The following AFF1 variants were observed in gnomAD, a reference collection of about 807,000 sequenced individuals.
The protein encoded by AFF1 is ALF transcription elongation factor 1.
Under a neutral mutation model 121.7 loss-of-function variants are expected in AFF1, and 48 were observed. The observed-to-expected ratio is 0.39, with a 90% CI of 0.31 to 0.50. AFF1 has a LOEUF of 0.50. Ranked by LOEUF, AFF1 falls within the 20% of genes least tolerant of loss-of-function variation. The pLI is 0.76. For synonymous variants in AFF1, 613 were observed against 563.0 expected (o/e 1.09, Z -1.26); for missense variants, 1,523 against 1,511.7 (o/e 1.01, Z -0.12).
At chr4:86,999,430 A>G (rs188657674) in intron 2 of AFF1, among the ~76,000 whole-genome samples, 4 of 152,190 alleles carry the variant, frequency 2.6e-5, no homozygotes, top group Non-Finnish European at 5.9e-5. Context: ...AGTCTCATTG[A>G]TAGATATCTC....
chr4:87,091,655 C>A, intron 6 of AFF1, 138 bp from the exon 7 acceptor site: 1 of 619,292 alleles, frequency 1.6e-6, no homozygotes, highest in Non-Finnish European at 2.8e-6. Context: ...TATGGGTATT[C>A]TCTACACTGT....
chr4:86,936,527 C>T (rs1225607190), intron 1 of AFF1: 1 of 152,152 alleles, frequency 6.6e-6, no homozygotes, highest in Admixed American at 6.5e-5. Context: ...TGGTGTTGGC[C>T]TCTGGGTGGG....
chr4:87,007,496 A>T, intron 2 of AFF1: 29 of 1,557,716 alleles, frequency 1.9e-5, no homozygotes, highest in African/African-American at 2.7e-5. Flanking sequence ...GGGGGAGGGC[A>T]GGGTGCGGGG....
rs370589295 is a variant in AFF1 at position 87,073,846 on chromosome 4, CAGAG to C, written c.1060-10271_1060-10268del. On this transcript the variant is annotated intron_variant, in intron 4 of 20. Coordinates refer to ENST00000395146, the MANE Select transcript of AFF1 (RefSeq NM_001166693.3). ...GAACATTGTTTGCACTTTCATTTGA[CAGAG>C]AGCAGAAATACAGGTTTATGTATCC... Among the ~76,000 whole-genome samples, 747 of 152,304 alleles carry C rather than the reference CAGAG, an allele frequency of 4.9e-3. 7 individuals carry two copies. The highest frequency in any genetic ancestry group is 0.017 in the African/African-American group (711 of 41,554).
Position 87,105,838 on chromosome 4 carries a change from C to T in AFF1, c.1369C>T (p.Pro457Ser), listed in dbSNP as rs748704810. Reference sequence around the variant, plus strand: ...AGAGAAGCCTCCCTCCTCATCTGCACCTCCAAGGTACCGTGTGGGTTTCTC... The same window carrying T: ...AGAGAAGCCTCCCTCCTCATCTGCATCTCCAAGGTACCGTGTGGGTTTCTC... Reference protein sequence around the residue: ...TPEKPPSSSAPPSAPQSLPEP... With the variant: ...TPEKPPSSSASPSAPQSLPEP... Residue 457 changes from proline (P) to serine (S), a missense_variant, in exon 10 of 21, where the codon CCT becomes TCT. Transcript: ENST00000395146. The T allele has an allele frequency of 1.2e-6, 2 of 1,614,140 alleles. No homozygotes were observed. The highest frequency in any genetic ancestry group is 4.5e-5 in the East Asian group (2 of 44,882).
chr4:87,086,233 C>T (rs1190631026), intron 5 of AFF1, among the ~76,000 whole-genome samples: 1 of 151,972 alleles, frequency 6.6e-6, no homozygotes, highest in East Asian at 1.9e-4. Flanking sequence ...TGAAATTGTG[C>T]GTTATTTGTT....
intron 2 of AFF1, chr4:87,007,161 T>C (rs1726220264): frequency 4.5e-6 from 6 of 1,342,892 alleles, no homozygotes; most frequent in Non-Finnish European, 5.7e-6. Flanking sequence ...TCGTCTGAAG[T>C]GCAGATCGCC....
At chr4:87,117,188 C>G (rs1017392638) in intron 12 of AFF1, among the ~76,000 whole-genome samples, 6 of 152,212 alleles carry the variant, frequency 3.9e-5, no homozygotes, top group South Asian at 2.1e-4. Flanking sequence ...GGGAAACTTT[C>G]AGCTCTCACT....
intron 2 of AFF1, among the ~76,000 whole-genome samples, chr4:87,030,684 T>G (rs1251447040): frequency 6.6e-6 from 1 of 152,102 alleles, no homozygotes; most frequent in African/African-American, 2.4e-5. Flanking sequence ...CCATTTCACA[T>G]TGTTAATGTT....
At chr4:86,972,982 A>T (rs1723048515) in intron 2 of AFF1, among the ~76,000 whole-genome samples, 1 of 152,178 alleles carries the variant, frequency 6.6e-6, no homozygotes, top group Non-Finnish European at 1.5e-5. Flanking sequence ...GCCCTAGAAG[A>T]GGGATTGAAA....
chr4:87,131,723 A>G (rs553346450), intron 17 of AFF1, 70 bp from the exon 18 acceptor site: 1 of 1,284,298 alleles, frequency 7.8e-7, no homozygotes, highest in East Asian at 2.5e-5. Flanking sequence ...TAAAATGGAA[A>G]CAAGCATAGT....
At chr4:86,960,777 G>A (rs1722092093) in intron 2 of AFF1, among the ~76,000 whole-genome samples, 1 of 152,108 alleles carries the variant, frequency 6.6e-6, no homozygotes, top group Non-Finnish European at 1.5e-5. Context: ...ATCTCTTGCT[G>A]TTTTTCCACT....
chr4:87,059,781 C>T (rs936857257), intron 4 of AFF1, among the ~76,000 whole-genome samples: 1 of 152,214 alleles, frequency 6.6e-6, no homozygotes, highest in African/African-American at 2.4e-5. Context: ...CACCCCGCTG[C>T]CCAGGCCCGA....
intron 2 of AFF1, among the ~76,000 whole-genome samples, chr4:87,022,592 A>ATATATATATATATATATATATC (rs1465084690): frequency 3.0e-5 from 3 of 99,824 alleles, no homozygotes; most frequent in Non-Finnish European, 5.5e-5. Context: ...ATCTATCTAT[A>ATATATATATATATATATATATC]TCTATCTGTG....
intron 6 of AFF1, among the ~76,000 whole-genome samples, chr4:87,090,418 C>G (rs764907331): frequency 3.3e-5 from 5 of 152,200 alleles, no homozygotes; most frequent in Non-Finnish European, 5.9e-5. Context: ...ATACATCTTA[C>G]ATATCTCACA....
intron 2 of AFF1, among the ~76,000 whole-genome samples, chr4:86,971,224 GT>G (rs1722922539): frequency 6.6e-6 from 1 of 152,206 alleles, no homozygotes; most frequent in Non-Finnish European, 1.5e-5. Flanking sequence ...CAGGTCCTGA[GT>G]TTTCCCAGTG....
chr4:86,949,623 A>T, intron 2 of AFF1: 1 of 1,452,994 alleles, frequency 6.9e-7, no homozygotes. Flanking sequence ...CTCCCCCAGA[A>T]TGCCACCGGG....
intron 4 of AFF1, among the ~76,000 whole-genome samples, chr4:87,080,082 A>G (rs979656434): frequency 1.3e-5 from 2 of 152,220 alleles, no homozygotes; most frequent in Non-Finnish European, 2.9e-5. Context: ...TTAAGGCCAT[A>G]TCCCAGGAGG....
rs17703261 is a variant in AFF1, at chr4:87,137,185, A to T, written c.*1484A>T. 31,838 of 227,866 alleles carry T rather than the reference A, an allele frequency of 0.14. 2,959 individuals carry two copies. Among genetic ancestry groups the T allele is most frequent in the Non-Finnish European group, 0.19 (21,392 of 114,532 alleles). The allele number at this position is 227,866 out of a possible 1,614,324, so 14.1% of individuals were successfully genotyped here. A position where few individuals can be genotyped will look rare whatever the true frequency, so the allele number is the denominator to read the frequency against. ...TATCCCTTTTAGAAGTAGAATTTGC[A>T]CACTTACTACAATTGAGGAGTGTCA... On this transcript the variant is annotated 3_prime_UTR_variant, in exon 21 of 21. Coordinates refer to ENST00000395146, the MANE Select transcript of AFF1 (RefSeq NM_001166693.3).
Sources: gnomAD v4.1 joint callset for allele counts (sites outside exome capture counted in the v4.1 genomes callset) on GRCh38, gnomAD v4.1.1 for gene constraint, MANE v1.5 for transcripts, NCBI Gene and HGNC (gene_info 2026-07-23, HGNC 2026-07-21) for gene names.